The following LPA variants were observed in gnomAD, a reference collection of about 807,000 sequenced individuals.
LPA encodes lipoprotein(a).
LPA carries 199 observed loss-of-function variants against 197.9 expected under a neutral mutation model. The observed-to-expected ratio is 1.01, with a 90% CI of 0.90 to 1.13. LPA has a LOEUF of 1.13. Ranked by LOEUF, LPA falls within the 50% of genes most tolerant of loss-of-function variation. LPA has a pLI of 0.00. For synonymous variants in LPA, 715 were observed against 639.5 expected, an observed-to-expected ratio of 1.12 and a Z score of -1.78; for missense variants, 1,853 against 1,785.8, an observed-to-expected ratio of 1.04 and a Z score of -0.68.
intron 28 of LPA, among the ~76,000 whole-genome samples, chr6:160,576,338 GTGTATA>G (rs1778660400): frequency 5.6e-5 from 1 of 17,862 alleles, no homozygotes; most frequent in South Asian, 2.4e-3. Context: ...GTGTGTGTGT[GTGTATA>G]TATATATATA....
rs1778728148 is a variant in LPA at position 160,578,547 on chromosome 6, T to C, written c.4447A>G (p.Ser1483Gly). ...LTTPTVAPVPSTEAPSEQAPP... is the reference protein window; with the variant it reads ...LTTPTVAPVPGTEAPSEQAPP... ...CCTTGTTCAGAAGGAGCCTCTGTGC[T>C]TGGAACCGGGGCCACTGTGGGAGTT... The change falls in exon 27 of 39, where the codon AGC becomes GGC. Residue 1483 changes from serine to glycine, a missense_variant. Physicochemically the swap from Ser to Gly is moderately conservative, Grantham distance 56. Coordinates refer to ENST00000316300, the MANE Select transcript of LPA (RefSeq NM_005577.4). 1 of 1,613,914 alleles carries C rather than the reference T, an allele frequency of 6.2e-7. No homozygotes were observed. Among genetic ancestry groups the C allele is most frequent in the Non-Finnish European group, 8.5e-7 (1 of 1,179,794 alleles).
chr6:160,585,159 A>G lies in LPA; in HGVS notation c.4176T>C (p.Asp1392=), dbSNP rs746612079. 2.5e-6 allele frequency: 4 copies of G among 1,613,662 alleles called. No individual in the cohort carries two copies. The highest frequency in any genetic ancestry group is 1.1e-5 in the South Asian group (1 of 91,068). Residue 1392 remains aspartate, a synonymous_variant, in exon 26 of 39, where the codon GAT becomes GAC. Transcript: ENST00000316300. ...AGAGTGTGCCTCGATAACTCTGTCCATCACCTCGGTAGCAGTCCTGGACCC... is the reference window on the plus strand; with the variant it reads ...AGAGTGTGCCTCGATAACTCTGTCCGTCACCTCGGTAGCAGTCCTGGACCC... ...STGVQDCYRG[D]GQSYRGTLST...
At chr6:160,605,230 A>C (rs1779322985) in intron 17 of LPA, 25 bp from the exon 18 acceptor site, 2 of 1,611,556 alleles carry the variant, frequency 1.2e-6, no homozygotes, top group Non-Finnish European at 1.7e-6. Flanking sequence ...AAAGAAATCA[A>C]ACTGAGTGTT....
intron 1 of LPA, among the ~76,000 whole-genome samples, chr6:160,655,504 G>A (rs912251141): frequency 2.6e-5 from 4 of 152,152 alleles, no homozygotes; most frequent in African/African-American, 7.2e-5. Flanking sequence ...TCGATAAATG[G>A]GCCAGAGTAA....
At chr6:160,581,499 G>T (rs565021471) in intron 26 of LPA, among the ~76,000 whole-genome samples, 13 of 152,124 alleles carry the variant, frequency 8.5e-5, no homozygotes, top group Admixed American at 3.9e-4. Flanking sequence ...TGAGGGTCTT[G>T]CTATGTTGCC....
At chr6:160,542,924 G>A (rs1778005216) in intron 33 of LPA, 116 bp from the exon 34 acceptor site, 1 of 1,419,810 alleles carries the variant, frequency 7.0e-7, no homozygotes, top group African/African-American at 1.4e-5. Context: ...GAAATTAAAT[G>A]GTAAAATCAT....
chr6:160,646,859 A>G (rs540612764), intron 2 of LPA, among the ~76,000 whole-genome samples: 5 of 150,960 alleles, frequency 3.3e-5, no homozygotes, highest in Non-Finnish European at 7.4e-5. Context: ...ACGAACATGT[A>G]GTTCTTCAGA....
rs1337480574 is a variant in LPA, at chr6:160,532,650, C to T, written c.5843-1G>A. ...TTGAGAAGGCCAGTCCCAAAGGTAC[C>T]TGTGTTTAAAAAGATGAAAGAAATG... On this transcript the variant is annotated splice_acceptor_variant, in intron 37 of 38. Transcript: ENST00000316300. LOFTEE classifies it high-confidence loss of function. 6.3e-7 allele frequency: 1 copy of T among 1,580,818 alleles called. No individual in the cohort carries two copies.
intron 28 of LPA, among the ~76,000 whole-genome samples, chr6:160,561,617 G>A (rs924519725): frequency 6.6e-6 from 1 of 152,148 alleles, no homozygotes; most frequent in Non-Finnish European, 1.5e-5. Context: ...GAAATCAATG[G>A]TAGCTTGATG....
intron 30 of LPA, among the ~76,000 whole-genome samples, chr6:160,552,396 C>T (rs964236310): frequency 1.3e-5 from 2 of 152,118 alleles, no homozygotes; most frequent in Non-Finnish European, 2.9e-5. Context: ...ATATTTAGAT[C>T]TTTTAATTCT....
In LPA at chr6:160,542,687, C is replaced by G; in HGVS notation, c.5519+1G>C. On this transcript the variant is annotated splice_donor_variant, in intron 34 of 38. Transcript: ENST00000316300. LOFTEE classifies it high-confidence loss of function. ...TAGATGGTTTCTGGGCCTGTTCTTA[C>G]CTTGTTCTGAGACTGACTTGCCAGG... 1 of 1,613,334 alleles carries G rather than the reference C, an allele frequency of 6.2e-7. No homozygotes were observed. Among genetic ancestry groups the G allele is most frequent in the Non-Finnish European group, 8.5e-7 (1 of 1,179,904 alleles).
chr6:160,657,907 T>C (rs1188198251), intron 1 of LPA, among the ~76,000 whole-genome samples: 1 of 152,168 alleles, frequency 6.6e-6, no homozygotes. Flanking sequence ...ATAATGCACC[T>C]CCTCATGGGT....
chr6:160,568,257 G>A (rs559381652), intron 28 of LPA, among the ~76,000 whole-genome samples: 58 of 152,204 alleles, frequency 3.8e-4, no homozygotes, highest in African/African-American at 1.2e-3. Flanking sequence ...CTGGCAAACC[G>A]AATCCAGCAG....
At position 160,548,561 on chromosome 6, in the gene LPA, G is replaced by A. The variant is rs757188741; in HGVS notation, c.5072C>T (p.Thr1691Met). 1.3e-5 allele frequency: 21 copies of A among 1,613,936 alleles called. No homozygotes were observed. Among genetic ancestry groups the A allele is most frequent in the African/African-American group, 5.3e-5 (4 of 74,872 alleles). The part of the protein sequence containing the change: ...PSIRWEYCNL[T>M]RCSDTEGTVV... The stretch of plus-strand genomic sequence containing the variant: ...AGTCCCTTCTGTGTCTGAGCATCGC[G>A]TCAGGTTGCAGTACTCCCACCTGAT... The change falls in exon 31 of 39, where the codon ACG (threonine) becomes ATG (methionine). Residue 1691 changes from threonine (T) to methionine (M), a missense_variant. By Grantham distance (81) the Thr-to-Met change is moderately conservative (BLOSUM62 -1). This residue lies in a region of LPA where 1,737 missense variants were observed against 1,504.4 expected (regional missense o/e 1.15). Transcript: ENST00000316300.
intron 28 of LPA, among the ~76,000 whole-genome samples, chr6:160,560,772 C>T (rs1778348091): frequency 6.6e-6 from 1 of 152,066 alleles, no homozygotes; most frequent in South Asian, 2.1e-4. Flanking sequence ...TGTGCAGAAG[C>T]TCTTTATTTT....
chr6:160,589,542 C>G lies in LPA; in HGVS notation c.3947+11G>C, dbSNP rs748612047. 8.1e-6 allele frequency: 13 copies of G among 1,612,926 alleles called. No homozygotes were observed. In the African/African-American group the frequency reaches 1.5e-4, roughly 18 times the overall value. ...TGGCTGTTTCTCTTGGGAGAAAACT[C>G]AAAGACATACCCATTTGGGTAGTAT... is the stretch of plus-strand genomic sequence containing the variant. On this transcript the variant is annotated intron_variant, in intron 24 of 38. Coordinates refer to ENST00000316300, the MANE Select transcript of LPA (RefSeq NM_005577.4).
chr6:160,657,860 A>T (rs1008019562), intron 1 of LPA, among the ~76,000 whole-genome samples: 2 of 152,204 alleles, frequency 1.3e-5, no homozygotes, highest in Non-Finnish European at 2.9e-5. Flanking sequence ...GATTTCTGCC[A>T]ATATAAATTA....
intron 30 of LPA, among the ~76,000 whole-genome samples, chr6:160,551,930 T>C (rs1046331237): frequency 6.6e-6 from 1 of 151,536 alleles, no homozygotes; most frequent in Non-Finnish European, 1.5e-5. Context: ...TTTTTTTTTT[T>C]TGAGACAGTG....
chr6:160,652,207 C>T (rs1296735295), intron 1 of LPA, among the ~76,000 whole-genome samples: 1 of 150,426 alleles, frequency 6.6e-6, no homozygotes, highest in Non-Finnish European at 1.5e-5. Context: ...ATCCAAGGAG[C>T]TCAGGAAACC....
Sources: allele counts gnomAD v4.1 joint callset (sites outside exome capture counted in the v4.1 genomes callset), GRCh38; gene constraint gnomAD v4.1.1; regional missense constraint gnomAD v4.1.1; transcripts MANE v1.5; gene names NCBI Gene and HGNC (gene_info 2026-07-23, HGNC 2026-07-21).